The following GAGE10 variants were observed in gnomAD, a reference collection of about 807,000 sequenced individuals.
The protein encoded by GAGE10 is G antigen 10.
In GAGE10, 9 loss-of-function variants were observed where a neutral mutation model predicts 11.5. That is an observed-to-expected ratio of 0.78 (90% CI 0.47 to 1.37). The LOEUF (loss-of-function observed/expected upper bound fraction) is 1.37. Among genes scored for constraint, GAGE10 ranks in the 40% most tolerant of loss-of-function variants. The probability of loss-of-function intolerance (pLI) is 0.00; values close to 1 mark genes in which losing one functional copy is unlikely to be tolerated. For synonymous variants in GAGE10, 23 were observed against 29.7 expected (o/e 0.77, Z 0.73); for missense variants, 83 against 92.9 (o/e 0.89, Z 0.44).
At chrX:49,317,749 G>A (rs1367912092) in intron 4 of GAGE10, among the ~76,000 whole-genome samples, 5 of 110,631 alleles carry the variant, frequency 4.5e-5, no homozygotes, top group East Asian at 5.6e-4. Flanking sequence ...CCCAGCACCC[G>A]ACTGATAGAC....
At chrX:49,308,279 C>G in intron 3 of GAGE10, among the ~76,000 whole-genome samples, 1 of 112,198 alleles carries the variant, frequency 8.9e-6, no homozygotes, top group Non-Finnish European at 1.9e-5. Flanking sequence ...TTTCTGGTGA[C>G]CCGGACAGGG....
At chrX:49,309,087 C>T (rs2066367124) in intron 3 of GAGE10, among the ~76,000 whole-genome samples, 1 of 111,624 alleles carries the variant, frequency 9.0e-6, no homozygotes, top group South Asian at 3.7e-4. Context: ...AGCTCCATGG[C>T]CACAGCAGGC....
intron 2 of GAGE10, 123 bp downstream of exon 2, chrX:49,305,063 C>A (rs1427928388): frequency 3.0e-6 from 3 of 1,000,198 alleles, no homozygotes; most frequent in Admixed American, 6.1e-5. Flanking sequence ...ATGATGATGG[C>A]GTCTCATGAA....
intron 3 of GAGE10, among the ~76,000 whole-genome samples, chrX:49,315,398 A>G (rs1244188268): frequency 3.6e-5 from 4 of 112,133 alleles, no homozygotes; most frequent in African/African-American, 1.3e-4. Context: ...TCATGAAACA[A>G]TCACTAAATA....
At chrX:49,314,043 G>A (rs1355748899) in intron 3 of GAGE10, among the ~76,000 whole-genome samples, 1 of 112,200 alleles carries the variant, frequency 8.9e-6, no homozygotes, top group African/African-American at 3.2e-5. Flanking sequence ...TGATTGTTCT[G>A]TTGTTATTAC....
At chrX:49,307,052 A>T (rs371121939) in intron 3 of GAGE10, among the ~76,000 whole-genome samples, 3 of 112,004 alleles carry the variant, frequency 2.7e-5, no homozygotes, top group Non-Finnish European at 5.6e-5. Context: ...TGTAATTGTC[A>T]TATATTCTTT....
chrX:49,305,951 C>A (rs2066355337), intron 3 of GAGE10, among the ~76,000 whole-genome samples: 1 of 111,559 alleles, frequency 9.0e-6, no homozygotes. Flanking sequence ...CAAGAATAGA[C>A]CCAGTTCAGA....
At chrX:49,313,309 A>T (rs2066381334) in intron 3 of GAGE10, among the ~76,000 whole-genome samples, 2 of 112,088 alleles carry the variant, frequency 1.8e-5, no homozygotes, top group Non-Finnish European at 3.8e-5. Context: ...GCTACTAAAA[A>T]AGTTTAGCCA....
intron 1 of GAGE10, among the ~76,000 whole-genome samples, chrX:49,304,311 CG>C (rs782359175): frequency 7.1e-5 from 8 of 112,531 alleles, no homozygotes; most frequent in Non-Finnish European, 1.3e-4. Flanking sequence ...AGAGGCTGTG[CG>C]GTCCAATCAA....
intron 3 of GAGE10, among the ~76,000 whole-genome samples, chrX:49,315,801 A>C (rs1175516063): frequency 8.9e-5 from 10 of 111,915 alleles, no homozygotes; most frequent in African/African-American, 3.3e-4. Context: ...GGAGGATTCA[A>C]AACTCTCATT....
chrX:49,304,501 G>A (rs73209799), intron 1 of GAGE10, among the ~76,000 whole-genome samples: 3,635 of 112,989 alleles, frequency 0.032, 55 homozygotes, highest in Non-Finnish European at 0.053. Context: ...AGTTACTCGG[G>A]ACGCTGAGGT....
chrX:49,314,053 C>G (rs1170775332), intron 3 of GAGE10, among the ~76,000 whole-genome samples: 1 of 112,226 alleles, frequency 8.9e-6, no homozygotes, highest in African/African-American at 3.2e-5. Context: ...GTTGTTATTA[C>G]TGCAAATGCT....
chrX:49,311,177 C>T (rs1354046597), intron 3 of GAGE10, among the ~76,000 whole-genome samples: 1 of 111,897 alleles, frequency 8.9e-6, no homozygotes, highest in Non-Finnish European at 1.9e-5. Flanking sequence ...TAGAGCTTAA[C>T]CCTCATGCTG....
intron 4 of GAGE10, 148 bp downstream of exon 4, chrX:49,317,436 C>A: frequency 7.3e-6 from 7 of 959,227 alleles, no homozygotes; most frequent in South Asian, 2.3e-5. Context: ...GAAATTCCGC[C>A]TTCTGGGTTC....
chrX:49,314,970 G>A (rs376956197), intron 3 of GAGE10, among the ~76,000 whole-genome samples: 22 of 112,183 alleles, frequency 2.0e-4, no homozygotes, highest in African/African-American at 7.1e-4. Context: ...CACAGAGAGA[G>A]TAGGAGAAAC....
intron 3 of GAGE10, among the ~76,000 whole-genome samples, chrX:49,308,341 C>T (rs782530174): frequency 1.9e-4 from 21 of 112,548 alleles, no homozygotes; most frequent in African/African-American, 1.3e-4. Flanking sequence ...TAGAGCCCCA[C>T]GGCCAGGGGA....
chrX:49,313,123 G>T (rs1450358060), intron 3 of GAGE10, among the ~76,000 whole-genome samples: 1 of 112,069 alleles, frequency 8.9e-6, no homozygotes, highest in Admixed American at 9.5e-5. Context: ...GCTACTAAAA[G>T]ACATCATACC....
At chrX:49,317,134 T>A in intron 3 of GAGE10, 29 bp from the exon 4 acceptor site, 1 of 1,181,454 alleles carries the variant, frequency 8.5e-7, no homozygotes, top group South Asian at 1.8e-5. Flanking sequence ...TTTTACTGCT[T>A]AAATTGATAT....
chrX:49,311,129 C>A (rs144008554), intron 3 of GAGE10, among the ~76,000 whole-genome samples: 3 of 111,570 alleles, frequency 2.7e-5, no homozygotes, highest in African/African-American at 9.8e-5. Context: ...CTGAGGACAA[C>A]CCCCCTGGAC....
Sources: gnomAD v4.1 joint callset for allele counts (sites outside exome capture counted in the v4.1 genomes callset) on GRCh38, gnomAD v4.1.1 for gene constraint, MANE v1.5 for transcripts, NCBI Gene and HGNC (gene_info 2026-07-23, HGNC 2026-07-21) for gene names.